Variants in ZSWIM4 observed in about 807,000 individuals in gnomAD.
The protein encoded by ZSWIM4 is zinc finger SWIM domain-containing protein 4.
ZSWIM4 carries 62 observed loss-of-function variants against 102.5 expected under a neutral mutation model. That is an observed-to-expected ratio of 0.60 (90% CI 0.49 to 0.75). The LOEUF is 0.75. Among genes scored for constraint, ZSWIM4 ranks in the 30% least tolerant of loss-of-function variants. The probability of loss-of-function intolerance (pLI) is 0.00; values close to 1 mark genes in which losing one functional copy is unlikely to be tolerated. For synonymous variants in ZSWIM4, 652 were observed against 674.5 expected (o/e 0.97, Z 0.52); for missense variants, 1,280 against 1,529.6 (o/e 0.84, Z 2.72).
chr19:13,809,976 GTTTTC>G lies in ZSWIM4; in HGVS notation c.1012+771_1012+775del, dbSNP rs531119621. Reference sequence around the variant, plus strand: ...CAAGCTGACATATTTTTGTTTGTTTGTTTTCTTTTCTTTTCTTTTTTTTTTTTTGA... The same window carrying G: ...CAAGCTGACATATTTTTGTTTGTTTGTTTTCTTTTCTTTTTTTTTTTTTGA... On this transcript the variant is annotated intron_variant, in intron 5 of 13. Coordinates refer to ENST00000590508, the MANE Select transcript of ZSWIM4 (RefSeq NM_001367834.3). This position sits in a 1 kb window ranked among gnomAD's most constrained non-coding sequence, Gnocchi z 4.2. Among the ~76,000 whole-genome samples, 416 of 150,372 alleles carry G rather than the reference GTTTTC, an allele frequency of 2.8e-3. 1 individual carries two copies. Among genetic ancestry groups the G allele is most frequent in the African/African-American group, 8.4e-3 (343 of 40,856 alleles).
chr19:13,806,518 AG>A (rs1974923515), intron 3 of ZSWIM4, among the ~76,000 whole-genome samples: 1 of 152,110 alleles, frequency 6.6e-6, no homozygotes, highest in South Asian at 2.1e-4. Flanking sequence ...AATAAACAAA[AG>A]TAGTTGGGCA....
At chr19:13,817,592 G>T (rs1975329713) in intron 8 of ZSWIM4, 130 bp from the exon 9 acceptor site, 2 of 1,223,400 alleles carry the variant, frequency 1.6e-6, no homozygotes, top group Non-Finnish European at 2.2e-6. Context: ...CCAACCCCGT[G>T]AGTGCTGGGA....
intron 1 of ZSWIM4, among the ~76,000 whole-genome samples, chr19:13,799,354 G>C (rs1281798517): frequency 6.8e-6 from 1 of 148,004 alleles, no homozygotes; most frequent in Non-Finnish European, 1.5e-5. Context: ...GCTCACTGCA[G>C]CCTCTGCCTT....
chr19:13,795,715 G>T lies in ZSWIM4; in HGVS notation c.67G>T (p.Ala23Ser), dbSNP rs1974591629. 2 of 1,203,176 alleles carry T rather than the reference G, an allele frequency of 1.7e-6. No individual in the cohort carries two copies. Among genetic ancestry groups the T allele is most frequent in the African/African-American group, 3.2e-5 (2 of 63,278 alleles). The allele number at this position is 1,203,176 out of a possible 1,614,324, so 74.5% of individuals were successfully genotyped here. A position where few individuals can be genotyped will look rare whatever the true frequency, so the allele number is the denominator to read the frequency against. ...PAGPEERDAG[A>S]GAARGRGRPE... ...GGGACCCGAGGAGCGCGATGCCGGG[G>T]CCGGGGCCGCGCGTGGCCGGGGCCG... is the stretch of plus-strand genomic sequence containing the variant. The change falls in exon 1 of 14, where the codon GCC becomes TCC. Residue 23 changes from alanine to serine, a missense_variant. Ala to Ser is a moderately conservative substitution (Grantham distance 99). Transcript: ENST00000590508.
At chr19:13,817,628 C>A in intron 8 of ZSWIM4, 94 bp from the exon 9 acceptor site, 1 of 1,472,870 alleles carries the variant, frequency 6.8e-7, no homozygotes, top group South Asian at 1.3e-5. Context: ...CTAAAGCCTA[C>A]CCTGCGCCCA....
chr19:13,806,574 G>A (rs1206373037), intron 3 of ZSWIM4, among the ~76,000 whole-genome samples: 2 of 151,926 alleles, frequency 1.3e-5, no homozygotes, highest in African/African-American at 4.8e-5. Context: ...GCTGAGATGG[G>A]AGGATCATGA....
In ZSWIM4 at chr19:13,831,238, C is replaced by T; in HGVS notation, c.*188C>T. ...GGAGTCTGTGAGCAAGTGTGCAAGA[C>T]TCCAGAAGCAGAAGCCATACTGCCA... is the stretch of plus-strand genomic sequence containing the variant. On this transcript the variant is annotated 3_prime_UTR_variant, in exon 14 of 14. Coordinates refer to ENST00000590508, the MANE Select transcript of ZSWIM4 (RefSeq NM_001367834.3). 1 of 723,584 alleles carries T rather than the reference C, an allele frequency of 1.4e-6. No homozygotes were observed. Among genetic ancestry groups the T allele is most frequent in the Non-Finnish European group, 2.1e-6 (1 of 468,096 alleles). The allele number at this position is 723,584 out of a possible 1,614,324, so 44.8% of individuals were successfully genotyped here. A position where few individuals can be genotyped will look rare whatever the true frequency, so the allele number is the denominator to read the frequency against.
At position 13,824,763 on chromosome 19, in the gene ZSWIM4, A is replaced by ATAT. The variant is rs1283473965; in HGVS notation, c.2216-785_2216-784insTTA. ...AATAATAATAATAATAATAATAATA[A>ATAT]TAATAATAATAATAAAAGCTAACAT... On this transcript the variant is annotated intron_variant, in intron 11 of 13. Transcript: ENST00000590508. 2.0e-5 allele frequency among the ~76,000 whole-genome samples: 3 copies of ATAT among 149,892 alleles called. No homozygotes were observed. In the East Asian group the frequency reaches 5.9e-4, roughly 29 times the overall value.
intron 11 of ZSWIM4, among the ~76,000 whole-genome samples, chr19:13,824,330 G>C (rs1975547627): frequency 6.6e-6 from 1 of 152,190 alleles, no homozygotes; most frequent in Non-Finnish European, 1.5e-5. Context: ...GGGAGGCTGA[G>C]GCGGGCAAAT....
chr19:13,807,079 TG>T (rs1258794038), intron 3 of ZSWIM4, among the ~76,000 whole-genome samples: 5 of 151,936 alleles, frequency 3.3e-5, no homozygotes, highest in African/African-American at 9.7e-5. Flanking sequence ...AGTTATTGGA[TG>T]ATAGTTACTG....
chr19:13,829,165 G>A (rs1473572784), intron 13 of ZSWIM4, among the ~76,000 whole-genome samples: 2 of 150,758 alleles, frequency 1.3e-5, no homozygotes, highest in African/African-American at 2.5e-5. Context: ...CACACCTGTA[G>A]TCCTATCCGG....
rs147523825 is a variant in ZSWIM4 at position 13,804,872 on chromosome 19, G to A, written c.436G>A (p.Asp146Asn). The A allele has an allele frequency of 1.2e-6, 2 of 1,613,452 alleles. No individual in the cohort carries two copies. The highest frequency in any genetic ancestry group is 2.7e-5 in the African/African-American group (2 of 74,922). ...CCTCTACCATGTCTCCATCAGCTTT[G>A]ATCGCTGCAAGATCACGTCCGTGAG... ...ERLYHVSISF[D>N]RCKITSVSCG... is the part of the protein sequence containing the mutation. Residue 146 changes from aspartate to asparagine, a missense_variant, in exon 3 of 14, where the codon GAT becomes AAT. Coordinates refer to ENST00000590508, the MANE Select transcript of ZSWIM4 (RefSeq NM_001367834.3).
chr19:13,812,601 A>G (rs1352430923), intron 5 of ZSWIM4, among the ~76,000 whole-genome samples: 1 of 148,842 alleles, frequency 6.7e-6, no homozygotes, highest in Non-Finnish European at 1.5e-5. Flanking sequence ...CTGGGATTAC[A>G]GGCACCCACA....
chr19:13,807,303 A>T (rs1391437331), intron 3 of ZSWIM4, among the ~76,000 whole-genome samples: 2 of 149,700 alleles, frequency 1.3e-5, no homozygotes, highest in Non-Finnish European at 3.0e-5. Flanking sequence ...GGGTATGGAC[A>T]TGTGGATGAA....
intron 1 of ZSWIM4, chr19:13,796,926 C>CT (rs1295021608): frequency 6.6e-6 from 1 of 152,284 alleles, no homozygotes; most frequent in Admixed American, 6.6e-5. Context: ...TGGGCAGGCT[C>CT]TGATTCATGG....
Position 13,819,463 on chromosome 19 carries a change from G to C in ZSWIM4, c.2031G>C (p.Leu677=). Residue 677 remains leucine, a synonymous_variant, in exon 10 of 14, where the codon CTG becomes CTC. Coordinates refer to ENST00000590508, the MANE Select transcript of ZSWIM4 (RefSeq NM_001367834.3). ...CACTGCTGCCTCATGACCCGGACCT[G>C]GCCTATCGCCTCGCGCTGCGAGCTA... The part of the protein sequence containing the change: ...FTALLPHDPD[L]AYRLALRAMR... 1 of 1,608,170 alleles carries C rather than the reference G, an allele frequency of 6.2e-7. No homozygotes were observed. The highest frequency in any genetic ancestry group is 8.5e-7 in the Non-Finnish European group (1 of 1,177,494).
Position 13,804,971 on chromosome 19 carries a change from G to A in ZSWIM4, c.535G>A (p.Ala179Thr), listed in dbSNP as rs771941547. 3 of 1,613,046 alleles carry A rather than the reference G, an allele frequency of 1.9e-6. No individual in the cohort carries two copies. Among genetic ancestry groups the A allele is most frequent in the Admixed American group, 1.7e-5 (1 of 60,022 alleles). The stretch of plus-strand genomic sequence containing the variant: ...CCTGTCCCTGTACCGCATTCGGCAC[G>A]CCCACCAGGTGGAGCTGCGGCTGCC... ...VALSLYRIRHAHQVELRLPIS... is the reference protein window; with the variant it reads ...VALSLYRIRHTHQVELRLPIS... Residue 179 changes from alanine to threonine, a missense_variant, in exon 3 of 14, where the codon GCC becomes ACC. Physicochemically the swap from Ala to Thr is moderately conservative, Grantham distance 58 (BLOSUM62 0). Coordinates refer to ENST00000590508, the MANE Select transcript of ZSWIM4 (RefSeq NM_001367834.3).
chr19:13,824,239 T>G (rs187234783), intron 11 of ZSWIM4, among the ~76,000 whole-genome samples: 18 of 152,242 alleles, frequency 1.2e-4, no homozygotes, highest in Non-Finnish European at 2.4e-4. Context: ...AACCCTCTCA[T>G]GAGTACCTGA....
rs1975756108 is a variant in ZSWIM4 at position 13,831,078 on chromosome 19, A to AT, written c.*29dup. 2.0e-6 allele frequency: 3 copies of AT among 1,537,550 alleles called. No individual in the cohort carries two copies. The highest frequency in any genetic ancestry group is 1.9e-5 in the Admixed American group (1 of 51,388). ...GACAGTGGGGTGCGTGGGAGTGGGGATCCCCCTCGCCCCTGCGTCCCCCAC... is the reference window on the plus strand; with the variant it reads ...GACAGTGGGGTGCGTGGGAGTGGGGATTCCCCCTCGCCCCTGCGTCCCCCAC... On this transcript the variant is annotated 3_prime_UTR_variant, in exon 14 of 14. Transcript: ENST00000590508.
Sources: allele counts gnomAD v4.1 joint callset (sites outside exome capture counted in the v4.1 genomes callset), GRCh38; gene constraint gnomAD v4.1.1; non-coding constraint Gnocchi (gnomAD v3.1); transcripts MANE v1.5; gene names NCBI Gene and HGNC (gene_info 2026-07-23, HGNC 2026-07-21).